Variants in MMD observed in about 807,000 individuals in gnomAD.
The protein encoded by MMD is monocyte to macrophage differentiation associated, also known as monocyte to macrophage differentiation factor.
A neutral mutation model predicts 33.6 loss-of-function variants in MMD; 22 were observed. The ratio of observed to expected loss-of-function variants is 0.66; its 90% CI spans 0.47 to 0.94. The LOEUF is 0.94. MMD is among the 40% of genes least tolerant of loss of function. MMD has a pLI of 0.00. For missense variants in MMD, 242 were observed against 309.8 expected (o/e 0.78, Z 1.64); for synonymous variants, 97 against 103.2 (o/e 0.94, Z 0.36).
At position 55,421,128 on chromosome 17, in the gene MMD, C is replaced by T. The variant is rs117763485; in HGVS notation, c.26+542G>A. On this transcript the variant is annotated intron_variant, in intron 1 of 6. Transcript: ENST00000262065. Reference sequence around the variant, plus strand: ...GGCAGGGCTAAGCTGGCGGAGCGTGCCTCAGTTTCCCTGTTGCTAGGGCCG... The same window carrying T: ...GGCAGGGCTAAGCTGGCGGAGCGTGTCTCAGTTTCCCTGTTGCTAGGGCCG... Among the ~76,000 whole-genome samples, 603 of 152,360 alleles carry T rather than the reference C, an allele frequency of 4.0e-3. 3 individuals are homozygous for T. Among genetic ancestry groups the T allele is most frequent in the Non-Finnish European group, 6.6e-3 (452 of 68,034 alleles).
chr17:55,416,282 C>A (rs1907964892), intron 1 of MMD, among the ~76,000 whole-genome samples: 1 of 152,148 alleles, frequency 6.6e-6, no homozygotes, highest in African/African-American at 2.4e-5. Context: ...AAGCCATTAC[C>A]CAGCAACAGG....
At chr17:55,412,313 A>C (rs1189582809) in intron 2 of MMD, among the ~76,000 whole-genome samples, 1 of 152,216 alleles carries the variant, frequency 6.6e-6, no homozygotes, top group Non-Finnish European at 1.5e-5. Context: ...TGCAGAATGT[A>C]AGAGTTTTGG....
At chr17:55,409,651 T>G (rs556739494) in intron 3 of MMD, among the ~76,000 whole-genome samples, 1 of 151,894 alleles carries the variant, frequency 6.6e-6, no homozygotes, top group South Asian at 2.1e-4. Context: ...ATTTAGAAAT[T>G]TTAATGAGGA....
At chr17:55,414,403 C>T (rs1907884016) in intron 1 of MMD, among the ~76,000 whole-genome samples, 171 bp from the exon 2 acceptor site, 1 of 152,108 alleles carries the variant, frequency 6.6e-6, no homozygotes. Flanking sequence ...GAGCCAATAG[C>T]AATGATCCTT....
At chr17:55,402,093 AAAAAAAAAAAAGAAAAG>A (rs1467528717) in intron 5 of MMD, among the ~76,000 whole-genome samples, 9 of 151,534 alleles carry the variant, frequency 5.9e-5, no homozygotes, top group Non-Finnish European at 1.2e-4. Flanking sequence ...GTCTCAAAAA[AAAAAAAAAAAAGAAAAG>A]AAAAAAAAAA....
chr17:55,405,307 T>G (rs1320529146), intron 4 of MMD, among the ~76,000 whole-genome samples: 1 of 150,796 alleles, frequency 6.6e-6, no homozygotes, highest in African/African-American at 2.4e-5. Flanking sequence ...GAGGCAGAGG[T>G]TGCGGTGAGC....
rs773690440 is a variant in MMD, at chr17:55,421,726, G to GGAGCC, written c.-32_-31insGGCTC. 1 of 1,581,822 alleles carries GGAGCC rather than the reference G, an allele frequency of 6.3e-7. No individual in the cohort carries two copies. The highest frequency in any genetic ancestry group is 1.8e-5 in the Admixed American group (1 of 54,232). ...CTCTGCTCCTCCTCGGGGGCCAGGA[G>GGAGCC]CTCCGTCTCGTCAGCACCGGCGGCC... On this transcript the variant is annotated 5_prime_UTR_variant, in exon 1 of 7. Transcript: ENST00000262065.
At chr17:55,418,852 G>A (rs922484647) in intron 1 of MMD, among the ~76,000 whole-genome samples, 9 of 152,202 alleles carry the variant, frequency 5.9e-5, no homozygotes, top group African/African-American at 1.9e-4. Context: ...TGATCATGAG[G>A]TTGGGGCTGA....
At chr17:55,402,186 C>T (rs11650101) in intron 5 of MMD, among the ~76,000 whole-genome samples, 45,507 of 151,792 alleles carry the variant, frequency 0.3, 8,394 homozygotes, top group Non-Finnish European at 0.41. Flanking sequence ...ATTTCCTCTT[C>T]TGATCCTAGA....
intron 1 of MMD, among the ~76,000 whole-genome samples, chr17:55,419,241 C>T (rs1908084126): frequency 6.6e-6 from 1 of 152,190 alleles, no homozygotes; most frequent in African/African-American, 2.4e-5. Context: ...AAATGGCACT[C>T]AATAAATATT....
intron 4 of MMD, chr17:55,404,810 C>G (rs906833990): frequency 7.2e-6 from 7 of 974,726 alleles, no homozygotes; most frequent in Non-Finnish European, 8.5e-6. Context: ...ACCTGTAATC[C>G]CAGAACTTTG....
In MMD at chr17:55,421,757, C is replaced by T. The variant is rs377278768; in HGVS notation, c.-62G>A. 2.8e-4 allele frequency: 430 copies of T among 1,550,550 alleles called. No homozygotes were observed. The highest frequency in any genetic ancestry group is 3.6e-4 in the Non-Finnish European group (411 of 1,152,418). Reference sequence around the variant, plus strand: ...TCTCGTCAGCACCGGCGGCCGGGCGCGCGGCCCTCATGGGCTTGGGCTGCT... The same window carrying T: ...TCTCGTCAGCACCGGCGGCCGGGCGTGCGGCCCTCATGGGCTTGGGCTGCT... On this transcript the variant is annotated 5_prime_UTR_variant, in exon 1 of 7. Transcript: ENST00000262065.
intron 5 of MMD, among the ~76,000 whole-genome samples, chr17:55,403,414 A>G (rs945441406): frequency 4.6e-5 from 7 of 152,142 alleles, no homozygotes; most frequent in Admixed American, 3.9e-4. Context: ...ATTCTCTCCA[A>G]TCTTCATAGA....
chr17:55,417,971 TTC>T (rs1462734717), intron 1 of MMD, among the ~76,000 whole-genome samples: 1 of 152,182 alleles, frequency 6.6e-6, no homozygotes, highest in Non-Finnish European at 1.5e-5. Flanking sequence ...GGTGGCATCT[TTC>T]TCTCTCTCCA....
In MMD at chr17:55,394,540, A is replaced by G; in HGVS notation, c.517-6T>C. ...TGAAGTCCATCGGTGTTGTTCTGTC[A>G]ACAGAGAAAAAAAAATAAAAAGGGT... On this transcript the variant is annotated splice_region_variant and splice_polypyrimidine_tract_variant and intron_variant, in intron 6 of 6. Transcript: ENST00000262065. The G allele has an allele frequency of 6.9e-7, 1 of 1,452,746 alleles. No individual in the cohort carries two copies. The highest frequency in any genetic ancestry group is 9.1e-7 in the Non-Finnish European group (1 of 1,103,810). The allele number at this position is 1,452,746 out of a possible 1,614,324, so 90.0% of individuals were successfully genotyped here.
chr17:55,394,758 T>A (rs1907040071), intron 6 of MMD, among the ~76,000 whole-genome samples: 1 of 152,202 alleles, frequency 6.6e-6, no homozygotes, highest in South Asian at 2.1e-4. Context: ...AGCAATCACA[T>A]TACAGGTCCC....
chr17:55,401,677 G>A (rs956648700), intron 5 of MMD, 139 bp from the exon 6 acceptor site: 7 of 637,090 alleles, frequency 1.1e-5, no homozygotes, highest in Non-Finnish European at 1.8e-5. Flanking sequence ...TTTCTCAGTA[G>A]GCAACCACTA....
chr17:55,395,502 G>A (rs1907066027), intron 6 of MMD, among the ~76,000 whole-genome samples: 1 of 152,216 alleles, frequency 6.6e-6, no homozygotes, highest in African/African-American at 2.4e-5. Flanking sequence ...GTAAAGGGAA[G>A]CTCTAACTCA....
At chr17:55,406,709 A>G (rs1021813682) in intron 4 of MMD, among the ~76,000 whole-genome samples, 1 of 151,574 alleles carries the variant, frequency 6.6e-6, no homozygotes, top group Non-Finnish European at 1.5e-5. Context: ...ACATGGTGAA[A>G]CCCTATCTCC....
Sources: gnomAD v4.1 joint callset for allele counts (sites outside exome capture counted in the v4.1 genomes callset) on GRCh38, gnomAD v4.1.1 for gene constraint, MANE v1.5 for transcripts, NCBI Gene and HGNC (gene_info 2026-07-23, HGNC 2026-07-21) for gene names.